The following GLIS3 variants were observed in gnomAD, a reference collection of about 807,000 sequenced individuals.
GLIS3 encodes zinc finger protein GLIS3.
GLIS3 carries 53 observed loss-of-function variants against 78.6 expected under a neutral mutation model. That is an observed-to-expected ratio of 0.67 (90% confidence interval 0.54 to 0.85). GLIS3 has a LOEUF of 0.85. Among genes scored for constraint, GLIS3 ranks in the 40% least tolerant of loss-of-function variants. The pLI, the probability that GLIS3 is intolerant of heterozygous loss-of-function variation, is 0.00. For synonymous variants in GLIS3, 684 were observed against 509.9 expected (o/e 1.34, Z -4.60); for missense variants, 1,703 against 1,231.1 (o/e 1.38, Z -5.74).
chr9:4,194,953 A>ATGTGG (rs1818674130), intron 2 of GLIS3, among the ~76,000 whole-genome samples: 1 of 152,184 alleles, frequency 6.6e-6, no homozygotes, highest in Non-Finnish European at 1.5e-5. Context: ...TTCTGTGACA[A>ATGTGG]CCTGGCAGTG....
chr9:4,188,699 T>G (rs1330517765), intron 2 of GLIS3, among the ~76,000 whole-genome samples: 1 of 152,222 alleles, frequency 6.6e-6, no homozygotes, highest in Non-Finnish European at 1.5e-5. Flanking sequence ...ATTCAGAGAT[T>G]CAACTTCTTC....
chr9:4,233,793 T>G (rs138693948), intron 2 of GLIS3, among the ~76,000 whole-genome samples: 1 of 152,242 alleles, frequency 6.6e-6, no homozygotes. Context: ...CTTCTTCCAA[T>G]AGAAGGCTGT....
intron 2 of GLIS3, among the ~76,000 whole-genome samples, chr9:4,247,214 T>C (rs1278675862): frequency 6.6e-6 from 1 of 152,218 alleles, no homozygotes; most frequent in Non-Finnish European, 1.5e-5. Flanking sequence ...ATTCTCTTAA[T>C]AGCTGTTTTC....
chr9:4,057,709 GA>G (rs35253627), intron 4 of GLIS3, among the ~76,000 whole-genome samples: 35,408 of 151,114 alleles, frequency 0.23, 5,067 homozygotes, highest in Middle Eastern at 0.41. Context: ...ATGCAGCTAG[GA>G]AAAAAAAATA....
At chr9:4,285,961 G>C (rs756651231) in intron 2 of GLIS3, 77 bp downstream of exon 2, 2 of 1,527,092 alleles carry the variant, frequency 1.3e-6, no homozygotes, top group Non-Finnish European at 1.8e-6. Flanking sequence ...TTTTCCATAG[G>C]ATTTGCTGGC....
intron 8 of GLIS3, among the ~76,000 whole-genome samples, chr9:3,859,253 A>G (rs931242358): frequency 3.9e-5 from 6 of 152,152 alleles, no homozygotes; most frequent in African/African-American, 1.4e-4. Flanking sequence ...TCACTAAGCA[A>G]AAATAAACTG....
intron 2 of GLIS3, among the ~76,000 whole-genome samples, chr9:4,258,626 A>C (rs1211838822): frequency 6.6e-6 from 1 of 152,220 alleles, no homozygotes; most frequent in Non-Finnish European, 1.5e-5. Context: ...GGACATCATC[A>C]CCAAGGGGAA....
chr9:3,930,759 A>C (rs1825561128), intron 6 of GLIS3, among the ~76,000 whole-genome samples: 2 of 152,212 alleles, frequency 1.3e-5, no homozygotes, highest in Non-Finnish European at 1.5e-5. Flanking sequence ...TATTACAATA[A>C]AACCTTACAC....
chr9:4,345,589 T>C (rs745598754), intron 2 of GLIS3, among the ~76,000 whole-genome samples: 1 of 152,210 alleles, frequency 6.6e-6, no homozygotes, highest in African/African-American at 2.4e-5. Context: ...CCATGTATCT[T>C]ACCAGTTGCT....
chr9:3,989,600 AT>A (rs577509133), intron 4 of GLIS3, among the ~76,000 whole-genome samples: 14 of 152,178 alleles, frequency 9.2e-5, no homozygotes, highest in Non-Finnish European at 2.1e-4. Context: ...TCTCCAGTGA[AT>A]TTAGCTGAGT....
chr9:4,319,579 G>A (rs569086946), intron 2 of GLIS3, among the ~76,000 whole-genome samples: 122 of 152,044 alleles, frequency 8.0e-4, no homozygotes, highest in Non-Finnish European at 1.5e-3. Context: ...ACCAAGGCTG[G>A]AATGCAGTGG....
rs1412623003 is a variant in GLIS3, at chr9:3,845,656, C to A, written c.2473+10353G>T. 2.0e-5 allele frequency among the ~76,000 whole-genome samples: 3 copies of A among 152,160 alleles called. No homozygotes were observed. In the East Asian group the frequency reaches 5.8e-4, roughly 29 times the overall value. On this transcript the variant is annotated intron_variant, in intron 9 of 10. Transcript: ENST00000381971. Reference sequence around the variant, plus strand: ...TGATTTATAATAGTAATTAGGCTTCCAAAGTTTCCCCCAGCATACCCGTAC... The same window carrying A: ...TGATTTATAATAGTAATTAGGCTTCAAAAGTTTCCCCCAGCATACCCGTAC...
chr9:4,408,429 TAA>T, the GLIS3 span, among the ~76,000 whole-genome samples: 12 of 134,174 alleles, frequency 8.9e-5, no homozygotes, highest in Non-Finnish European at 9.8e-5. Flanking sequence ...TAATGGATAT[TAA>T]AAAAAAAAAA....
intron 4 of GLIS3, among the ~76,000 whole-genome samples, chr9:3,950,326 T>G (rs1333546858): frequency 6.6e-6 from 1 of 152,200 alleles, no homozygotes; most frequent in African/African-American, 2.4e-5. Context: ...ACTAGAAATC[T>G]AATAATGTTC....
intron 4 of GLIS3, among the ~76,000 whole-genome samples, chr9:4,069,210 G>A (rs940170603): frequency 4.6e-5 from 7 of 152,154 alleles, no homozygotes; most frequent in African/African-American, 1.7e-4. Flanking sequence ...AAACTTTATG[G>A]TTGGGGGAAT....
chr9:4,448,241 A>G, the GLIS3 span, among the ~76,000 whole-genome samples: 5 of 152,296 alleles, frequency 3.3e-5, no homozygotes, highest in African/African-American at 9.6e-5. Context: ...TTGCCTATTC[A>G]TCTATCGGGG....
rs2129888929 is a variant in GLIS3 at position 3,825,841 on chromosome 9, C to G, written c.*2431G>C. The G allele has an allele frequency of 6.6e-6, 1 of 152,332 alleles. No individual in the cohort carries two copies. The highest frequency in any genetic ancestry group is 1.9e-4 in the East Asian group (1 of 5,176). 9.4% of individuals were successfully genotyped at this position (152,332 alleles called of 1,614,324 possible). ...AGCAGGGCTGCACTGGGTCCTGTGGCCAGCATGCTCTCTCTGAGATAAAAT... is the reference window on the plus strand; with the variant it reads ...AGCAGGGCTGCACTGGGTCCTGTGGGCAGCATGCTCTCTCTGAGATAAAAT... On this transcript the variant is annotated 3_prime_UTR_variant, in exon 11 of 11. Transcript: ENST00000381971.
At chr9:3,983,546 G>C (rs1292803653) in intron 4 of GLIS3, among the ~76,000 whole-genome samples, 1 of 152,184 alleles carries the variant, frequency 6.6e-6, no homozygotes, top group Non-Finnish European at 1.5e-5. Context: ...CTAAAGACTT[G>C]TTGAATGGCT....
chr9:3,955,305 T>G (rs1285239711), intron 4 of GLIS3, among the ~76,000 whole-genome samples: 1 of 152,196 alleles, frequency 6.6e-6, no homozygotes, highest in Non-Finnish European at 1.5e-5. Flanking sequence ...GGTCAATTTG[T>G]GCTTAAAGAA....
Sources: allele counts gnomAD v4.1 joint callset (sites outside exome capture counted in the v4.1 genomes callset), GRCh38; gene constraint gnomAD v4.1.1; transcripts MANE v1.5; gene names NCBI Gene and HGNC (gene_info 2026-07-23, HGNC 2026-07-21).